ZNF695: variants seen among roughly 807,000 people sequenced by gnomAD.
ZNF695 encodes the protein zinc finger protein SBZF3.
A neutral mutation model predicts 11.2 loss-of-function variants in ZNF695; 11 were observed. That is an observed-to-expected ratio of 0.98 (90% CI 0.62 to 1.62). The LOEUF (loss-of-function observed/expected upper bound fraction) is 1.62. ZNF695 is among the 40% of genes most tolerant of loss of function. The pLI, the probability that ZNF695 is intolerant of heterozygous loss-of-function variation, is 0.00. For synonymous variants in ZNF695, 190 were observed against 201.4 expected, an observed-to-expected ratio of 0.94 and a Z score of 0.48; for missense variants, 559 against 590.5, an observed-to-expected ratio of 0.95 and a Z score of 0.55.
At chr1:246,956,992 A>G (rs1668018193) in intron 5 of ZNF695, among the ~76,000 whole-genome samples, 1 of 152,208 alleles carries the variant, frequency 6.6e-6, no homozygotes, top group Admixed American at 6.5e-5. Context: ...AAAAAGAGAT[A>G]AAGCAAATAT....
rs371430713 is a variant in ZNF695, at chr1:246,990,281, AAAAC to A, written c.260-2030_260-2027del. 2.8e-3 allele frequency among the ~76,000 whole-genome samples: 421 copies of A among 152,290 alleles called. 2 individuals carry two copies. The highest frequency in any genetic ancestry group is 8.8e-3 in the African/African-American group (365 of 41,560). On this transcript the variant is annotated intron_variant, in intron 3 of 3. Transcript: ENST00000339986. ...AAGAATGGAAAAGGAAATTCCATGA[AAAAC>A]AAACAAACAAACAAAAAAGAGCAGG...
chr1:246,977,473 C>T (rs76572985), intron 4 of ZNF695, among the ~76,000 whole-genome samples: 1 of 152,026 alleles, frequency 6.6e-6, no homozygotes, highest in Non-Finnish European at 1.5e-5. Context: ...GGCCAGGTTT[C>T]GAAAGCCTGA....
rs1668825113 is a variant in ZNF695 at position 246,985,564 on chromosome 1, G to A, written c.*1403C>T. ...GTGAGATAGGTTAACGTTGGTGGTAGGATACGCATCACTTAATGTACAACG... is the reference window on the plus strand; with the variant it reads ...GTGAGATAGGTTAACGTTGGTGGTAAGATACGCATCACTTAATGTACAACG... On this transcript the variant is annotated 3_prime_UTR_variant, in exon 4 of 4. Coordinates refer to ENST00000339986, the MANE Select transcript of ZNF695 (RefSeq NM_020394.5). 8.1e-6 allele frequency: 8 copies of A among 985,054 alleles called. No homozygotes were observed. The South Asian group carries it at 3.8e-4, about 46-fold the overall frequency. 61.0% of individuals were successfully genotyped at this position (985,054 alleles called of 1,614,324 possible).
chr1:246,994,762 G>A (rs926302035), intron 3 of ZNF695, among the ~76,000 whole-genome samples: 8 of 152,078 alleles, frequency 5.3e-5, no homozygotes, highest in East Asian at 3.9e-4. Flanking sequence ...GCGTGAACCC[G>A]GGAGGCAGAG....
chr1:246,987,428 G>A lies in ZNF695; in HGVS notation c.1087C>T (p.Gln363Ter). 6.2e-7 allele frequency: 1 copy of A among 1,612,034 alleles called. No homozygotes were observed. ...RCEECGKAFN[Q>*]SSHLTEHRRI... is the part of the protein sequence containing the mutation. ...CTATGTTCAGTCAGATGTGAGCTCT[G>A]GTTAAAGGCTTTTCCACATTCTTCA... Residue 363 changes from glutamine to a stop codon, truncating the protein, a stop_gained, in exon 4 of 4, where the codon CAG becomes TAG. Coordinates refer to ENST00000339986, the MANE Select transcript of ZNF695 (RefSeq NM_020394.5). LOFTEE classifies it low-confidence loss of function (END_TRUNC).
At chr1:246,947,578 G>A (rs1667769915) in intron 5 of ZNF695, among the ~76,000 whole-genome samples, 1 of 152,162 alleles carries the variant, frequency 6.6e-6, no homozygotes, top group South Asian at 2.1e-4. Flanking sequence ...TGCTGATGAA[G>A]CGACAATCAG....
At chr1:246,973,903 C>T (rs2103014098) in intron 4 of ZNF695, among the ~76,000 whole-genome samples, 1 of 152,210 alleles carries the variant, frequency 6.6e-6, no homozygotes, top group South Asian at 2.1e-4. Flanking sequence ...CTTTTATTAC[C>T]CTATTATGTG....
chr1:246,947,506 C>T (rs1667768561), intron 5 of ZNF695, among the ~76,000 whole-genome samples: 1 of 152,154 alleles, frequency 6.6e-6, no homozygotes, highest in Admixed American at 6.5e-5. Flanking sequence ...CTTTCCCGCA[C>T]TACTGCCATT....
intron 3 of ZNF695, among the ~76,000 whole-genome samples, chr1:246,992,490 A>T (rs1669069695): frequency 6.6e-6 from 1 of 152,230 alleles, no homozygotes; most frequent in African/African-American, 2.4e-5. Flanking sequence ...ACTATTGAAT[A>T]GCACAACAGG....
intron 4 of ZNF695, among the ~76,000 whole-genome samples, chr1:246,973,099 G>C (rs746515315): frequency 6.6e-6 from 1 of 151,382 alleles, no homozygotes; most frequent in Non-Finnish European, 1.5e-5. Flanking sequence ...GCCCAGGCTG[G>C]AGTGCAATGG....
chr1:246,988,174 T>C lies in ZNF695; in HGVS notation c.341A>G (p.Tyr114Cys). 7 of 1,612,514 alleles carry C rather than the reference T, an allele frequency of 4.3e-6. No homozygotes were observed. The highest frequency in any genetic ancestry group is 5.9e-6 in the Non-Finnish European group (7 of 1,179,414). The part of the protein sequence containing the change: ...VSFQKVMLRR[Y>C]ERCCLEKLRL... The stretch of plus-strand genomic sequence containing the variant: ...TAATTTCTCAAGACAACATCTTTCA[T>C]ATCTTCTCAGCATCACTTTTTGGAA... Residue 114 changes from tyrosine (Y) to cysteine (C), a missense_variant, in exon 4 of 4, where the codon TAT becomes TGT. Coordinates refer to ENST00000339986, the MANE Select transcript of ZNF695 (RefSeq NM_020394.5).
intron 5 of ZNF695, among the ~76,000 whole-genome samples, chr1:246,961,998 T>G (rs1668174924): frequency 6.6e-6 from 1 of 152,246 alleles, no homozygotes; most frequent in East Asian, 1.9e-4. Flanking sequence ...TGACGATCAC[T>G]GCTGCCTGTA....
rs776780599 is a variant in ZNF695, at chr1:246,987,412, G to C, written c.1103C>G (p.Thr368Ser). 2.5e-6 allele frequency: 4 copies of C among 1,612,330 alleles called. No homozygotes were observed. The highest frequency in any genetic ancestry group is 3.4e-6 in the Non-Finnish European group (4 of 1,179,212). Residue 368 changes from threonine (T) to serine (S), a missense_variant, in exon 4 of 4, where the codon ACT becomes AGT. Physicochemically the swap from Thr to Ser is moderately conservative, Grantham distance 58. Coordinates refer to ENST00000339986, the MANE Select transcript of ZNF695 (RefSeq NM_020394.5). Reference sequence around the variant, plus strand: ...ACCAGTATGAATTCTCCTATGTTCAGTCAGATGTGAGCTCTGGTTAAAGGC... The same window carrying C: ...ACCAGTATGAATTCTCCTATGTTCACTCAGATGTGAGCTCTGGTTAAAGGC... ...GKAFNQSSHL[T>S]EHRRIHTGEK...
Position 246,987,778 on chromosome 1 carries a change from T to C in ZNF695, c.737A>G (p.Asn246Ser), listed in dbSNP as rs750240582. 19 of 1,602,402 alleles carry C rather than the reference T, an allele frequency of 1.2e-5. No individual in the cohort carries two copies. The Admixed American group carries it at 3.3e-4, about 28-fold the overall frequency. Residue 246 changes from asparagine (N) to serine (S), a missense_variant, in exon 4 of 4, where the codon AAT becomes AGT. Asn to Ser is a conservative substitution (Grantham distance 46). Coordinates refer to ENST00000339986, the MANE Select transcript of ZNF695 (RefSeq NM_020394.5). The part of the protein sequence containing the change: ...GEKHCKCEEC[N>S]NIFKSCSSLA... ...ACTTGAGCAAGACTTAAAAATGTTATTACATTCTTCACATTTGCAATGTTT... is the reference window on the plus strand; with the variant it reads ...ACTTGAGCAAGACTTAAAAATGTTACTACATTCTTCACATTTGCAATGTTT...
At chr1:246,990,503 A>G (rs1668999819) in intron 3 of ZNF695, among the ~76,000 whole-genome samples, 1 of 152,254 alleles carries the variant, frequency 6.6e-6, no homozygotes, top group Non-Finnish European at 1.5e-5. Context: ...GAGAGGCCCC[A>G]GTACAGTAAC....
intron 1 of ZNF695, among the ~76,000 whole-genome samples, chr1:247,007,015 C>G (rs993266078): frequency 5.3e-5 from 8 of 152,164 alleles, no homozygotes; most frequent in African/African-American, 1.9e-4. Context: ...AAATTTCATC[C>G]TGGACAGTCC....
At chr1:246,982,926 G>A (rs564124119), downstream of ZNF695, among the ~76,000 whole-genome samples, 29 of 147,330 alleles carry the variant, frequency 2.0e-4, no homozygotes, top group Admixed American at 1.2e-3. Context: ...TTTTCTGGCC[G>A]GGCACGGTGG....
At chr1:246,994,106 C>T (rs1443946866) in intron 3 of ZNF695, among the ~76,000 whole-genome samples, 2 of 151,834 alleles carry the variant, frequency 1.3e-5, no homozygotes, top group African/African-American at 4.8e-5. Flanking sequence ...ACCTGGGCGG[C>T]GGAGGAACAA....
chr1:246,959,733 G>T (rs1668116893), intron 5 of ZNF695, among the ~76,000 whole-genome samples: 3 of 151,536 alleles, frequency 2.0e-5, no homozygotes, highest in Admixed American at 1.3e-4. Context: ...GCCCAAAATG[G>T]GCATATTTTT....
Sources: allele counts gnomAD v4.1 joint callset (sites outside exome capture counted in the v4.1 genomes callset), GRCh38; gene constraint gnomAD v4.1.1; transcripts MANE v1.5; gene names NCBI Gene and HGNC (gene_info 2026-07-23, HGNC 2026-07-21).